Variants in AGBL1 observed in about 807,000 individuals in gnomAD.
The protein encoded by AGBL1 is cytosolic carboxypeptidase 4.
Under a neutral mutation model 118.9 loss-of-function variants are expected in AGBL1, and 130 were observed. That is an observed-to-expected ratio of 1.09 (90% CI 0.95 to 1.26). The LOEUF is 1.26. Ranked by LOEUF, AGBL1 falls within the 50% of genes most tolerant of loss-of-function variation. AGBL1 has a pLI of 0.00. For missense variants in AGBL1, 1,584 were observed against 1,298.1 expected (o/e 1.22, Z -3.38); for synonymous variants, 555 against 478.9 (o/e 1.16, Z -2.08).
At chr15:86,104,080 T>C (rs1187355627) in intron 1 of AGBL1, among the ~76,000 whole-genome samples, 1 of 152,060 alleles carries the variant, frequency 6.6e-6, no homozygotes, top group Non-Finnish European at 1.5e-5. Flanking sequence ...TAGCTGCAGA[T>C]TGAGTGGGAC....
intron 23 of AGBL1, among the ~76,000 whole-genome samples, chr15:86,982,100 G>C (rs931538321): frequency 1.3e-5 from 2 of 152,126 alleles, no homozygotes; most frequent in African/African-American, 4.8e-5. Context: ...ACCTCATGCT[G>C]ATCACATTCT....
intron 22 of AGBL1, among the ~76,000 whole-genome samples, chr15:86,712,629 C>T (rs989111621): frequency 6.6e-6 from 1 of 152,164 alleles, no homozygotes; most frequent in Non-Finnish European, 1.5e-5. Context: ...ATTCACTGTG[C>T]AGCAGTGATG....
intron 21 of AGBL1, among the ~76,000 whole-genome samples, chr15:86,612,513 G>A (rs960463442): frequency 2.6e-5 from 4 of 151,972 alleles, no homozygotes; most frequent in African/African-American, 4.8e-5. Flanking sequence ...ACAGTGACCG[G>A]CATTAAAACA....
At chr15:86,163,293 G>T (rs2077292563) in intron 5 of AGBL1, among the ~76,000 whole-genome samples, 1 of 152,196 alleles carries the variant, frequency 6.6e-6, no homozygotes. Flanking sequence ...GTTGGGTGTG[G>T]TGGTGCACAC....
rs35296563 is a variant in AGBL1, at chr15:86,436,089, CTTTTTTT to C, written c.2555+38557_2555+38563del. Among the ~76,000 whole-genome samples, 13 of 111,526 alleles carry C rather than the reference CTTTTTTT, an allele frequency of 1.2e-4. No homozygotes were observed. In the South Asian group the frequency reaches 2.5e-3, roughly 22 times the overall value. 73.2% of individuals were successfully genotyped at this position (111,526 alleles called of 152,430 possible). On this transcript the variant is annotated intron_variant, in intron 18 of 22. Transcript: ENST00000614907. Reference sequence around the variant, plus strand: ...ACTTTCCATTCAATCCCTTTCCTCTCTTTTTTTTTTTTTTTTTTTTGTCCCATTTCTT... The same window carrying C: ...ACTTTCCATTCAATCCCTTTCCTCTCTTTTTTTTTTTTTGTCCCATTTCTT...
rs555497672 is a variant in AGBL1, at chr15:87,016,722, A to G, written c.3324-12103A>G. Among the ~76,000 whole-genome samples, 5 of 152,252 alleles carry G rather than the reference A, an allele frequency of 3.3e-5. 1 individual carries two copies. In the South Asian group the frequency reaches 1.0e-3, roughly 32 times the overall value. Reference sequence around the variant, plus strand: ...AGCAGGATGGGGTGATGGCCCACCTAGGAGTGGCATAGAGCCAAAGGAACC... The same window carrying G: ...AGCAGGATGGGGTGATGGCCCACCTGGGAGTGGCATAGAGCCAAAGGAACC... On this transcript the variant is annotated intron_variant, in intron 24 of 24. Transcript: ENST00000441037.
intron 17 of AGBL1, among the ~76,000 whole-genome samples, chr15:86,392,797 C>T (rs535076068): frequency 2.6e-5 from 4 of 152,206 alleles, no homozygotes; most frequent in South Asian, 2.1e-4. Context: ...ATGACTCCCC[C>T]GTAGACTATG....
At position 86,988,088 on chromosome 15, in the gene AGBL1, CGTGA is replaced by C. The variant is rs778864138; in HGVS notation, c.3323+3_3323+6del. The C allele has an allele frequency of 6.2e-7, 1 of 1,613,292 alleles. No homozygotes were observed. Among genetic ancestry groups the C allele is most frequent in the Non-Finnish European group, 8.5e-7 (1 of 1,179,584 alleles). ...ATGAACCTTCTTCTGCATGTCTCCC[CGTGA>C]GTATGTCAGTTTCCTGATTGTACAT... is the stretch of plus-strand genomic sequence containing the variant. On this transcript the variant is annotated splice_donor_variant and splice_donor_region_variant and intron_variant, in intron 24 of 24. Transcript: ENST00000441037. LOFTEE classifies it high-confidence loss of function.
At chr15:86,178,228 C>T (rs1410930505) in intron 5 of AGBL1, among the ~76,000 whole-genome samples, 1 of 152,030 alleles carries the variant, frequency 6.6e-6, no homozygotes, top group Non-Finnish European at 1.5e-5. Context: ...CAGGAGAATC[C>T]CTTGAACCAG....
At chr15:86,965,359 G>T (rs1310619314) in intron 23 of AGBL1, among the ~76,000 whole-genome samples, 1 of 151,926 alleles carries the variant, frequency 6.6e-6, no homozygotes. Flanking sequence ...TTGTGGTTTT[G>T]GTTTGCATTT....
chr15:86,441,989 G>A (rs561363719), intron 18 of AGBL1, among the ~76,000 whole-genome samples: 2 of 152,336 alleles, frequency 1.3e-5, no homozygotes, highest in East Asian at 1.9e-4. Context: ...ATCCACAAGG[G>A]TGGGGTAGAT....
intron 1 of AGBL1, among the ~76,000 whole-genome samples, chr15:86,084,833 T>TATCCATCC (rs770780218): frequency 6.6e-6 from 1 of 152,198 alleles, no homozygotes; most frequent in South Asian, 2.1e-4. Flanking sequence ...CCCATTCATT[T>TATCCATCC]ATCCATCCAT....
At chr15:86,250,013 CAG>C (rs1337793697) in intron 7 of AGBL1, among the ~76,000 whole-genome samples, 4 of 152,324 alleles carry the variant, frequency 2.6e-5, no homozygotes, top group South Asian at 4.1e-4. Context: ...TGAGTGCACA[CAG>C]AGTGTGCACT....
intron 22 of AGBL1, among the ~76,000 whole-genome samples, chr15:86,838,963 A>AAAAAAG (rs1415060078): frequency 1.3e-5 from 2 of 150,284 alleles, no homozygotes; most frequent in African/African-American, 4.9e-5. Context: ...AAAAAAAAAA[A>AAAAAAG]AAAGAAAGAA....
Position 86,267,031 on chromosome 15 carries a change from C to A in AGBL1, c.1793C>A (p.Ser598Tyr). The change falls in exon 13 of 23, where the codon TCC (serine) becomes TAC (tyrosine). Residue 598 changes from serine (S) to tyrosine (Y), a missense_variant. Physicochemically the swap from Ser to Tyr is moderately radical, Grantham distance 144. Transcript: ENST00000614907. ...GCTTCCAATTGTTTACGGTTCTTCT[C>A]CAAATTTGAGTCAGGAAATCTTCGC... ...DNASNCLRFFSKFESGNLRKA... is the reference protein window; with the variant it reads ...DNASNCLRFFYKFESGNLRKA... The A allele has an allele frequency of 6.4e-7, 1 of 1,571,218 alleles. No homozygotes were observed. The highest frequency in any genetic ancestry group is 8.6e-7 in the Non-Finnish European group (1 of 1,156,852).
chr15:86,541,737 A>G (rs997907537), intron 19 of AGBL1, among the ~76,000 whole-genome samples: 4 of 152,100 alleles, frequency 2.6e-5, no homozygotes, highest in Admixed American at 2.0e-4. Context: ...CCTGCTGGAA[A>G]ATTCTGTAAT....
intron 3 of AGBL1, among the ~76,000 whole-genome samples, chr15:86,144,694 G>GA (rs1177564232): frequency 1.3e-5 from 2 of 152,074 alleles, no homozygotes; most frequent in Admixed American, 1.3e-4. Context: ...GAGAGGCTTA[G>GA]AAAAAATAAC....
Position 86,270,020 on chromosome 15 carries a change from A to T in AGBL1, c.1940A>T (p.His647Leu). ...VSGMQAAIPY[H>L]FNIINCEKPN... ...GGTATGCAGGCGGCCATCCCTTACC[A>T]CTTCAACATCATCAACTGTGAGAAG... is the stretch of plus-strand genomic sequence containing the variant. Residue 647 changes from histidine to leucine, a missense_variant, in exon 14 of 23, where the codon CAC becomes CTC. Transcript: ENST00000614907. The T allele has an allele frequency of 6.2e-7, 1 of 1,613,256 alleles. No homozygotes were observed. The highest frequency in any genetic ancestry group is 8.5e-7 in the Non-Finnish European group (1 of 1,179,618).
chr15:86,093,742 T>C (rs1217315449), intron 1 of AGBL1, among the ~76,000 whole-genome samples: 2 of 152,068 alleles, frequency 1.3e-5, no homozygotes, highest in Non-Finnish European at 2.9e-5. Context: ...AAAGTCAAAA[T>C]AATTGAACAT....
Sources: gnomAD v4.1 joint callset for allele counts (sites outside exome capture counted in the v4.1 genomes callset) on GRCh38, gnomAD v4.1.1 for gene constraint, MANE v1.5 for transcripts, NCBI Gene and HGNC (gene_info 2026-07-23, HGNC 2026-07-21) for gene names.